Variants in ZFHX3 observed in about 807,000 individuals in gnomAD.
ZFHX3 encodes zinc finger homeobox protein 3.
A neutral mutation model predicts 279.1 loss-of-function variants in ZFHX3; 42 were observed. The ratio of observed to expected loss-of-function variants is 0.15; its 90% confidence interval spans 0.12 to 0.19. The LOEUF is 0.19. ZFHX3 is among the 10% of genes least tolerant of loss of function. The pLI, the probability that ZFHX3 is intolerant of heterozygous loss-of-function variation, is 1.00. For synonymous variants in ZFHX3, 2,293 were observed against 1,957.8 expected (o/e 1.17, Z -4.52); for missense variants, 4,981 against 4,754.0 (o/e 1.05, Z -1.40).
At chr16:73,776,822 G>A (rs910085585) in intron 1 of ZFHX3, among the ~76,000 whole-genome samples, 8 of 152,000 alleles carry the variant, frequency 5.3e-5, no homozygotes, top group Non-Finnish European at 8.8e-5. Flanking sequence ...TTACATTCCC[G>A]CCTGAACCGT....
rs1214080832 is a variant in ZFHX3, at chr16:73,070,915, TGCGCGC to T, written c.-532-11909_-532-11904del. On this transcript the variant is annotated intron_variant, in intron 8 of 17. Coordinates refer to the ZFHX3 transcript ENST00000641206. Reference sequence around the variant, plus strand: ...TTGCGGGCTGGTTCCTAGACCGTCTTGCGCGCGCGCGCGCGCGCGCGCGCACACACA... The same window carrying T: ...TTGCGGGCTGGTTCCTAGACCGTCTTGCGCGCGCGCGCGCGCGCACACACA... 7.4e-3 allele frequency among the ~76,000 whole-genome samples: 666 copies of T among 90,574 alleles called. 13 individuals are homozygous for T. The highest frequency in any genetic ancestry group is 0.028 in the African/African-American group (618 of 22,338). The allele number at this position is 90,574 out of a possible 152,430, so 59.4% of individuals were successfully genotyped here. A position where few individuals can be genotyped will look rare whatever the true frequency, so the allele number is the denominator to read the frequency against.
chr16:73,079,917 T>A (rs1386345775), intron 8 of ZFHX3, among the ~76,000 whole-genome samples: 1 of 152,144 alleles, frequency 6.6e-6, no homozygotes, highest in African/African-American at 2.4e-5. Context: ...CCTACTGGTC[T>A]TAGTGTCACC....
At chr16:73,530,726 G>T (rs2019785590) in intron 2 of ZFHX3, among the ~76,000 whole-genome samples, 1 of 152,164 alleles carries the variant, frequency 6.6e-6, no homozygotes. Flanking sequence ...TATACATTTT[G>T]CTGTCCATGC....
At chr16:73,134,451 C>T (rs1966752108) in intron 6 of ZFHX3, 1 of 150,710 alleles carries the variant, frequency 6.6e-6, no homozygotes, top group African/African-American at 2.5e-5. Flanking sequence ...CTGCCTCAGC[C>T]TCCCTAACAG....
At chr16:73,076,420 G>T (rs1597148837) in intron 8 of ZFHX3, among the ~76,000 whole-genome samples, 1 of 152,142 alleles carries the variant, frequency 6.6e-6, no homozygotes. Flanking sequence ...GATATACCTC[G>T]TTCCAGCCAT....
intron 4 of ZFHX3, among the ~76,000 whole-genome samples, chr16:73,301,961 T>A (rs1212101374): frequency 6.6e-6 from 1 of 151,872 alleles, no homozygotes; most frequent in Non-Finnish European, 1.5e-5. Flanking sequence ...ACAGAGTCCA[T>A]GCAAGCCACA....
intron 5 of ZFHX3, among the ~76,000 whole-genome samples, chr16:73,244,328 A>T (rs1004133459): frequency 2.0e-5 from 3 of 151,936 alleles, no homozygotes; most frequent in Admixed American, 6.6e-5. Context: ...GACGCCTTCC[A>T]CTGTGAAGAA....
At chr16:73,055,677 TAC>T (rs1491246902) in intron 1 of ZFHX3, among the ~76,000 whole-genome samples, 1,774 of 91,320 alleles carry the variant, frequency 0.019, 14 homozygotes, top group Non-Finnish European at 0.028. Flanking sequence ...GGTGCAGACG[TAC>T]GCGCGCGCGC....
intron 4 of ZFHX3, among the ~76,000 whole-genome samples, chr16:73,281,631 C>G (rs199808168): frequency 6.6e-6 from 1 of 152,072 alleles, no homozygotes; most frequent in Non-Finnish European, 1.5e-5. Flanking sequence ...CTTAACAAAA[C>G]AAACAACAGT....
chr16:72,877,416 T>C (rs183518725), intron 4 of ZFHX3, among the ~76,000 whole-genome samples: 11 of 152,260 alleles, frequency 7.2e-5, no homozygotes, highest in Admixed American at 5.2e-4. Flanking sequence ...CAAATTCTTA[T>C]TGTGGAAATA....
At chr16:73,457,243 A>G (rs1480129693) in intron 2 of ZFHX3, among the ~76,000 whole-genome samples, 2 of 152,150 alleles carry the variant, frequency 1.3e-5, no homozygotes, top group African/African-American at 4.8e-5. Flanking sequence ...ATCCTGGTGG[A>G]CAAAGCGATA....
chr16:73,397,459 G>C (rs531818104), intron 3 of ZFHX3, among the ~76,000 whole-genome samples: 9 of 152,140 alleles, frequency 5.9e-5, no homozygotes, highest in Non-Finnish European at 1.3e-4. Flanking sequence ...TTTAAAGTGG[G>C]TATAGGCATG....
chr16:73,871,577 G>A (rs2029862450), intron 1 of ZFHX3, among the ~76,000 whole-genome samples: 1 of 152,030 alleles, frequency 6.6e-6, no homozygotes, highest in Admixed American at 6.5e-5. Context: ...TGCTTTGAAT[G>A]CATCCAAGCA....
At chr16:73,662,273 GA>G (rs1382224605) in intron 2 of ZFHX3, among the ~76,000 whole-genome samples, 1 of 152,052 alleles carries the variant, frequency 6.6e-6, no homozygotes, top group Non-Finnish European at 1.5e-5. Context: ...CCTTTTCCCA[GA>G]TTTTTTTGGC....
At chr16:73,106,777 G>C (rs1232219468) in intron 7 of ZFHX3, among the ~76,000 whole-genome samples, 2 of 152,122 alleles carry the variant, frequency 1.3e-5, no homozygotes, top group African/African-American at 4.8e-5. Flanking sequence ...ACTATCAATT[G>C]ACAATAATGA....
At chr16:73,515,999 A>G (rs2019514812) in intron 2 of ZFHX3, among the ~76,000 whole-genome samples, 2 of 152,216 alleles carry the variant, frequency 1.3e-5, no homozygotes, top group Non-Finnish European at 1.5e-5. Context: ...AGTAATCCCT[A>G]TGAAATACAT....
intron 1 of ZFHX3, among the ~76,000 whole-genome samples, chr16:72,968,012 GA>G (rs35138870): frequency 1.7e-3 from 243 of 144,172 alleles, no homozygotes; most frequent in Non-Finnish European, 2.1e-3. Context: ...ATTATAGCAG[GA>G]AAAAAAAAAA....
At chr16:73,443,200 G>A (rs1305370609) in intron 3 of ZFHX3, among the ~76,000 whole-genome samples, 1 of 152,164 alleles carries the variant, frequency 6.6e-6, no homozygotes, top group Non-Finnish European at 1.5e-5. Context: ...ATAACAGAAA[G>A]AAGGGAAAGA....
intron 4 of ZFHX3, among the ~76,000 whole-genome samples, chr16:72,885,998 T>G (rs1259195374): frequency 1.3e-5 from 2 of 152,226 alleles, no homozygotes; most frequent in Non-Finnish European, 2.9e-5. Flanking sequence ...AAAGTCGATG[T>G]TTACAAAATT....
Sources: gnomAD v4.1 joint callset for allele counts (sites outside exome capture counted in the v4.1 genomes callset) on GRCh38, gnomAD v4.1.1 for gene constraint, MANE v1.5 for transcripts, NCBI Gene and HGNC (gene_info 2026-07-23, HGNC 2026-07-21) for gene names.